The following NPAS2 variants were observed in gnomAD, a reference collection of about 807,000 sequenced individuals.
NPAS2 encodes neuronal PAS domain protein 2.
Under a neutral mutation model 107.5 loss-of-function variants are expected in NPAS2, and 23 were observed. The ratio of observed to expected loss-of-function variants is 0.21; its 90% CI spans 0.15 to 0.30. The LOEUF is 0.30. NPAS2 is among the 10% of genes least tolerant of loss of function. The pLI, the probability that NPAS2 is intolerant of heterozygous loss-of-function variation, is 1.00. For missense variants in NPAS2, 756 were observed against 1,043.3 expected, an observed-to-expected ratio of 0.72 and a Z score of 3.79; for synonymous variants, 403 against 417.5, an observed-to-expected ratio of 0.97 and a Z score of 0.42.
chr2:100,926,110 C>A (rs552091092), intron 3 of NPAS2, among the ~76,000 whole-genome samples: 1 of 152,090 alleles, frequency 6.6e-6, no homozygotes, highest in Non-Finnish European at 1.5e-5. Flanking sequence ...TACTTCATTC[C>A]GTTTCATGGA....
At chr2:100,896,243 G>A (rs1681403258) in intron 1 of NPAS2, among the ~76,000 whole-genome samples, 1 of 152,098 alleles carries the variant, frequency 6.6e-6, no homozygotes, top group South Asian at 2.1e-4. Flanking sequence ...AGGTTTAAGG[G>A]GCCTACTCAA....
Position 100,988,178 on chromosome 2 carries a change from C to G in NPAS2, c.1729C>G (p.Pro577Ala), listed in dbSNP as rs2105308355. 3 of 1,614,206 alleles carry G rather than the reference C, an allele frequency of 1.9e-6. No individual in the cohort carries two copies. In the East Asian group the frequency reaches 6.7e-5, roughly 36 times the overall value. ...LQQRSAAVTQ[P>A]QLGAGPQLPG... ...GCAAAGGTCAGCTGCAGTGACTCAG[C>G]CCCAGCTCGGGGCGGGCCCCCAACT... is the stretch of plus-strand genomic sequence containing the variant. The change falls in exon 17 of 21, where the codon CCC (proline) becomes GCC (alanine). Residue 577 changes from proline to alanine, a missense_variant. Around this residue, in one of 4 missense-constraint regions of NPAS2, gnomAD observed 496 missense variants for 594.4 expected, o/e 0.83. Coordinates refer to ENST00000335681, the MANE Select transcript of NPAS2 (RefSeq NM_002518.4).
intron 1 of NPAS2, among the ~76,000 whole-genome samples, chr2:100,879,273 G>A (rs905730252): frequency 4.6e-5 from 7 of 152,152 alleles, no homozygotes; most frequent in African/African-American, 1.4e-4. Flanking sequence ...TACGGGATAT[G>A]TATAGACAGG....
At chr2:100,956,143 C>G (rs1675553210) in intron 7 of NPAS2, among the ~76,000 whole-genome samples, 1 of 152,128 alleles carries the variant, frequency 6.6e-6, no homozygotes, top group Non-Finnish European at 1.5e-5. Context: ...TGAGCCTAAG[C>G]AATCCTCCCG....
chr2:100,934,679 C>T (rs1185215203), intron 4 of NPAS2: 4 of 539,538 alleles, frequency 7.4e-6, no homozygotes, highest in Non-Finnish European at 9.5e-6. Context: ...TGTTGCTCTT[C>T]AGTAGACACA....
intron 1 of NPAS2, among the ~76,000 whole-genome samples, chr2:100,891,795 C>T (rs1177724641): frequency 1.3e-5 from 2 of 152,226 alleles, no homozygotes; most frequent in Non-Finnish European, 2.9e-5. Flanking sequence ...TTCAAGGGCA[C>T]CTACTTTTTC....
intron 1 of NPAS2, among the ~76,000 whole-genome samples, chr2:100,844,228 G>T (rs954433255): frequency 4.6e-5 from 7 of 152,126 alleles, no homozygotes; most frequent in Non-Finnish European, 8.8e-5. Flanking sequence ...CTGGGTGTGG[G>T]TACCACTGAA....
intron 2 of NPAS2, among the ~76,000 whole-genome samples, chr2:100,921,684 A>C (rs1683236697): frequency 6.6e-6 from 1 of 152,216 alleles, no homozygotes; most frequent in Non-Finnish European, 1.5e-5. Context: ...CGACATTACT[A>C]GTCACTAGGA....
intron 1 of NPAS2, among the ~76,000 whole-genome samples, chr2:100,824,685 T>A (rs953635934): frequency 3.3e-5 from 5 of 152,204 alleles, no homozygotes; most frequent in African/African-American, 7.2e-5. Flanking sequence ...GGCAATGGTG[T>A]CCTTCACCCT....
At position 100,976,303 on chromosome 2, in the gene NPAS2, T is replaced by C. The variant is rs1677001909; in HGVS notation, c.1392+736T>C. 6.6e-6 allele frequency among the ~76,000 whole-genome samples: 1 copy of C among 152,082 alleles called. No homozygotes were observed. Among genetic ancestry groups the C allele is most frequent in the South Asian group, 2.1e-4 (1 of 4,824 alleles). ...TGGGCTCAGCTGAGGCCATCCGTCA[T>C]TGACTTGCATGGGCCTCTCAAGCCT... On this transcript the variant is annotated intron_variant, in intron 14 of 20. Coordinates refer to ENST00000335681, the MANE Select transcript of NPAS2 (RefSeq NM_002518.4). The surrounding 1 kb of genome is among the most constrained non-coding windows in gnomAD (Gnocchi z 4.1).
chr2:100,914,582 T>C (rs1196173400), intron 2 of NPAS2, among the ~76,000 whole-genome samples: 1 of 152,162 alleles, frequency 6.6e-6, no homozygotes, highest in Non-Finnish European at 1.5e-5. Flanking sequence ...TACCCAGAAA[T>C]ATGTTTCTTC....
chr2:100,848,615 TA>T (rs1677945517), intron 1 of NPAS2, among the ~76,000 whole-genome samples: 1 of 152,194 alleles, frequency 6.6e-6, no homozygotes, highest in African/African-American at 2.4e-5. Context: ...CGTGCCATCA[TA>T]GGTTGAAAAA....
At chr2:100,860,932 G>T (rs1177947409) in intron 1 of NPAS2, among the ~76,000 whole-genome samples, 1 of 151,750 alleles carries the variant, frequency 6.6e-6, no homozygotes, top group African/African-American at 2.4e-5. Context: ...TTGCTCTTTT[G>T]CCCAAGCTGG....
At chr2:100,830,571 T>C (rs1299880169) in intron 1 of NPAS2, among the ~76,000 whole-genome samples, 1 of 150,178 alleles carries the variant, frequency 6.7e-6, no homozygotes, top group African/African-American at 2.5e-5. Flanking sequence ...GAACATGCGG[T>C]GTTTGGTTTT....
intron 1 of NPAS2, among the ~76,000 whole-genome samples, chr2:100,869,900 CTTTTT>C (rs34489501): frequency 1.2e-5 from 1 of 82,466 alleles, no homozygotes; most frequent in Non-Finnish European, 2.5e-5. Flanking sequence ...CTCCTGACTT[CTTTTT>C]TTTTTTTTTT....
At chr2:100,839,091 C>G (rs529176434) in intron 1 of NPAS2, among the ~76,000 whole-genome samples, 2 of 152,068 alleles carry the variant, frequency 1.3e-5, no homozygotes, top group Non-Finnish European at 2.9e-5. Flanking sequence ...TTGGCCTACT[C>G]TACATGAAGA....
chr2:100,886,279 C>T (rs1680693409), intron 1 of NPAS2, among the ~76,000 whole-genome samples: 1 of 152,214 alleles, frequency 6.6e-6, no homozygotes, highest in Non-Finnish European at 1.5e-5. Flanking sequence ...TTGTCTTCAG[C>T]TCTTCAGGAA....
chr2:100,861,929 G>A (rs928745198), intron 1 of NPAS2, among the ~76,000 whole-genome samples: 4 of 152,176 alleles, frequency 2.6e-5, no homozygotes, highest in Non-Finnish European at 5.9e-5. Context: ...AACAGGAATT[G>A]TCACTTTTTT....
At chr2:100,840,344 C>T (rs553965930) in intron 1 of NPAS2, among the ~76,000 whole-genome samples, 3 of 152,228 alleles carry the variant, frequency 2.0e-5, no homozygotes, top group South Asian at 2.1e-4. Flanking sequence ...GTGGGGACCA[C>T]GTGTTTTTTC....
Sources: allele counts gnomAD v4.1 joint callset (sites outside exome capture counted in the v4.1 genomes callset), GRCh38; gene constraint gnomAD v4.1.1; regional missense constraint gnomAD v4.1.1; non-coding constraint Gnocchi (gnomAD v3.1); transcripts MANE v1.5; gene names NCBI Gene and HGNC (gene_info 2026-07-23, HGNC 2026-07-21).